GRID2: variants seen among roughly 807,000 people sequenced by gnomAD.
The protein encoded by GRID2 is glutamate ionotropic receptor delta type subunit 2, also known as glutamate receptor ionotropic, delta-2.
In GRID2, 33 loss-of-function variants were observed where a neutral mutation model predicts 114.8. That is an observed-to-expected ratio of 0.29 (90% confidence interval 0.22 to 0.38). GRID2 has a LOEUF of 0.38. GRID2 is among the 10% of genes least tolerant of loss of function. The probability of loss-of-function intolerance (pLI) is 1.00; values close to 1 mark genes in which losing one functional copy is unlikely to be tolerated. For synonymous variants in GRID2, 505 were observed against 449.9 expected (o/e 1.12, Z -1.55); for missense variants, 1,184 against 1,257.7 (o/e 0.94, Z 0.89).
chr4:92,733,012 C>G (rs1170292187), intron 2 of GRID2, among the ~76,000 whole-genome samples: 1 of 151,952 alleles, frequency 6.6e-6, no homozygotes, highest in Non-Finnish European at 1.5e-5. Flanking sequence ...AAAACAGAAA[C>G]AGATACCCAC....
intron 14 of GRID2, among the ~76,000 whole-genome samples, chr4:93,709,416 CTT>C (rs1174317499): frequency 2.0e-5 from 3 of 152,138 alleles, no homozygotes; most frequent in Non-Finnish European, 4.4e-5. Flanking sequence ...GCCACTCTCT[CTT>C]GGCTTGTAAG....
intron 4 of GRID2, among the ~76,000 whole-genome samples, chr4:93,144,872 G>A (rs1266489788): frequency 6.6e-6 from 1 of 152,132 alleles, no homozygotes; most frequent in Non-Finnish European, 1.5e-5. Context: ...TTAATCATCT[G>A]CTTGCAGAGA....
chr4:92,356,302 GT>G (rs1445020629), intron 1 of GRID2, among the ~76,000 whole-genome samples: 12 of 151,148 alleles, frequency 7.9e-5, no homozygotes, highest in Admixed American at 3.3e-4. Context: ...ATATTTTCTG[GT>G]TTTCTTATGT....
intron 13 of GRID2, among the ~76,000 whole-genome samples, chr4:93,522,611 A>C (rs1300554756): frequency 6.6e-6 from 1 of 152,158 alleles, no homozygotes; most frequent in Non-Finnish European, 1.5e-5. Context: ...AATCTGTGCT[A>C]TATAAAAGGA....
At chr4:92,540,265 G>A (rs796736333) in intron 1 of GRID2, among the ~76,000 whole-genome samples, 4 of 152,244 alleles carry the variant, frequency 2.6e-5, no homozygotes, top group African/African-American at 7.2e-5. Context: ...AACACCAAAA[G>A]CAACGGCAAC....
chr4:93,387,449 A>T (rs559786737), intron 8 of GRID2, among the ~76,000 whole-genome samples: 1 of 152,222 alleles, frequency 6.6e-6, no homozygotes, highest in Non-Finnish European at 1.5e-5. Flanking sequence ...TCACCATCTA[A>T]ATTTAAAAGG....
chr4:93,429,067 C>G (rs75655168), intron 10 of GRID2, among the ~76,000 whole-genome samples: 2,148 of 152,272 alleles, frequency 0.014, 22 homozygotes, highest in Non-Finnish European at 0.017. Context: ...AGTTGCTGCC[C>G]GTGCCCTAGC....
chr4:93,800,026 A>G (rs1032022182), intron 1 of GRID2, among the ~76,000 whole-genome samples: 4 of 152,222 alleles, frequency 2.6e-5, no homozygotes, highest in African/African-American at 9.6e-5. Flanking sequence ...TTTAAAAATG[A>G]AAGCTCCTAT....
At chr4:93,758,541 A>G (rs1027341078) in intron 14 of GRID2, among the ~76,000 whole-genome samples, 1 of 152,162 alleles carries the variant, frequency 6.6e-6, no homozygotes, top group Non-Finnish European at 1.5e-5. Flanking sequence ...AATTTGTGCA[A>G]ATGCTAAGGA....
At chr4:93,100,960 C>T (rs1731639838) in intron 3 of GRID2, among the ~76,000 whole-genome samples, 2 of 151,946 alleles carry the variant, frequency 1.3e-5, no homozygotes, top group Non-Finnish European at 2.9e-5. Flanking sequence ...AGTAGTATTG[C>T]AGGATACCTC....
At chr4:92,656,094 AT>A in intron 2 of GRID2, among the ~76,000 whole-genome samples, 1 of 151,568 alleles carries the variant, frequency 6.6e-6, no homozygotes, top group East Asian at 1.9e-4. Flanking sequence ...TTCTATTTTT[AT>A]TTTTTTGAGG....
chr4:93,504,563 C>A (rs766314637), intron 12 of GRID2, among the ~76,000 whole-genome samples: 1 of 151,798 alleles, frequency 6.6e-6, no homozygotes, highest in African/African-American at 2.4e-5. Context: ...TTAATAGGGA[C>A]GAATATGTGA....
At chr4:93,162,444 G>GATTCCTC (rs1297917025) in intron 4 of GRID2, among the ~76,000 whole-genome samples, 1 of 151,874 alleles carries the variant, frequency 6.6e-6, no homozygotes, top group Non-Finnish European at 1.5e-5. Context: ...AATAAGGATA[G>GATTCCTC]GCCTGTGTTA....
chr4:92,379,657 A>G (rs1167960167), intron 1 of GRID2, among the ~76,000 whole-genome samples: 2 of 151,974 alleles, frequency 1.3e-5, no homozygotes, highest in Non-Finnish European at 2.9e-5. Context: ...GCTCTGAAAA[A>G]TGAAAGACTA....
intron 2 of GRID2, among the ~76,000 whole-genome samples, chr4:92,654,202 G>A (rs1325047214): frequency 6.6e-6 from 1 of 151,988 alleles, no homozygotes; most frequent in African/African-American, 2.4e-5. Flanking sequence ...GGCAGATTCA[G>A]TCTTGGTGAG....
intron 8 of GRID2, among the ~76,000 whole-genome samples, chr4:93,278,341 A>C (rs1437874377): frequency 6.6e-6 from 1 of 151,838 alleles, no homozygotes; most frequent in African/African-American, 2.4e-5. Context: ...CAGAAATGTG[A>C]GACTGGCGCT....
At chr4:93,282,051 A>G (rs188604863) in intron 8 of GRID2, among the ~76,000 whole-genome samples, 1 of 152,160 alleles carries the variant, frequency 6.6e-6, no homozygotes, top group Non-Finnish European at 1.5e-5. Context: ...TGGAGAAAAC[A>G]GAAGAAAAAT....
intron 2 of GRID2, among the ~76,000 whole-genome samples, chr4:92,787,784 AC>A (rs1739388955): frequency 6.6e-6 from 1 of 151,994 alleles, no homozygotes; most frequent in East Asian, 2.0e-4. Flanking sequence ...GAGAGGTGTT[AC>A]CATTATCCTG....
At chr4:93,335,317 G>T (rs1758937558) in intron 8 of GRID2, among the ~76,000 whole-genome samples, 1 of 152,140 alleles carries the variant, frequency 6.6e-6, no homozygotes, top group African/African-American at 2.4e-5. Flanking sequence ...AGAGGTAATT[G>T]TGTCTTTTCT....
Sources: allele counts gnomAD v4.1 joint callset (sites outside exome capture counted in the v4.1 genomes callset), GRCh38; gene constraint gnomAD v4.1.1; transcripts MANE v1.5; gene names NCBI Gene and HGNC (gene_info 2026-07-23, HGNC 2026-07-21).